The following ODAD2 variants were observed in gnomAD, a reference collection of about 807,000 sequenced individuals.
The protein encoded by ODAD2 is outer dynein arm docking complex subunit 2.
A neutral mutation model predicts 106.8 loss-of-function variants in ODAD2; 89 were observed. The observed-to-expected ratio is 0.83, with a 90% CI of 0.70 to 0.99. The LOEUF (loss-of-function observed/expected upper bound fraction) is 0.99, where lower values mean the gene tolerates loss of function less well. Among genes scored for constraint, ODAD2 ranks in the 50% least tolerant of loss-of-function variants. The probability of loss-of-function intolerance (pLI) is 0.00; values close to 1 mark genes in which losing one functional copy is unlikely to be tolerated. For missense variants in ODAD2, 1,168 were observed against 1,238.5 expected (o/e 0.94, Z 0.85); for synonymous variants, 404 against 436.2 (o/e 0.93, Z 0.92).
chr10:27,927,471 C>A (rs1845332825), intron 16 of ODAD2, among the ~76,000 whole-genome samples: 1 of 152,108 alleles, frequency 6.6e-6, no homozygotes, highest in Non-Finnish European at 1.5e-5. Context: ...CAATAATAGC[C>A]ATGCCTGAAA....
At chr10:27,985,406 G>A (rs574364473) in intron 3 of ODAD2, among the ~76,000 whole-genome samples, 195 bp from the exon 4 acceptor site, 1 of 152,204 alleles carries the variant, frequency 6.6e-6, no homozygotes, top group East Asian at 1.9e-4. Flanking sequence ...TCTACTTCAC[G>A]AGATGCTCTA....
intron 8 of ODAD2, 73 bp downstream of exon 8, chr10:27,971,035 A>G (rs1848822430): frequency 1.5e-6 from 1 of 684,240 alleles, no homozygotes; most frequent in East Asian, 3.0e-5. Flanking sequence ...AAAATAAAAT[A>G]AAGTTCTGTG....
Position 27,862,571 on chromosome 10 carries a change from T to G in ODAD2, c.2662A>C (p.Asn888His), listed in dbSNP as rs1256307321. 1.2e-6 allele frequency: 2 copies of G among 1,611,802 alleles called. No homozygotes were observed. The highest frequency in any genetic ancestry group is 1.3e-5 in the African/African-American group (1 of 74,836). The stretch of plus-strand genomic sequence containing the variant: ...TCTTTGTTATCTGATTTCAGTAAAT[T>G]GACAATAAGTTCCAAACCACCAACA... ...SFVGGLELIV[N>H]LLKSDNKEVL... is the part of the protein sequence containing the mutation. The change falls in exon 18 of 20, where the codon AAT becomes CAT. Residue 888 changes from asparagine to histidine, a missense_variant. By Grantham distance (68) the Asn-to-His change is moderately conservative. Transcript: ENST00000305242.
chr10:27,984,315 G>A (rs1364646982), intron 4 of ODAD2, 25 bp from the exon 5 acceptor site: 1 of 1,457,950 alleles, frequency 6.9e-7, no homozygotes, highest in Non-Finnish European at 9.6e-7. Context: ...TAAAATGTCA[G>A]CTTAAATACT....
intron 4 of ODAD2, 101 bp downstream of exon 4, chr10:27,984,918 T>G: frequency 2.0e-6 from 1 of 507,302 alleles, no homozygotes; most frequent in Non-Finnish European, 3.3e-6. Context: ...TTTATTTAAC[T>G]ATCTATTTTG....
At chr10:27,887,155 T>C (rs1351022599) in intron 17 of ODAD2, among the ~76,000 whole-genome samples, 1 of 151,906 alleles carries the variant, frequency 6.6e-6, no homozygotes, top group Non-Finnish European at 1.5e-5. Context: ...AGGTTGAAAG[T>C]CAAACGTTGA....
intron 19 of ODAD2, among the ~76,000 whole-genome samples, chr10:27,854,570 A>G (rs1379840252): frequency 6.6e-6 from 1 of 152,202 alleles, no homozygotes; most frequent in Non-Finnish European, 1.5e-5. Flanking sequence ...ACTCTGGCCA[A>G]CATGGCAAAA....
chr10:27,940,733 C>A lies in ODAD2; in HGVS notation c.1816G>T (p.Glu606Ter), dbSNP rs781149711. The change falls in exon 13 of 20, where the codon GAA (glutamate) becomes TAA (stop). Residue 606 changes from glutamate (E) to a stop codon, truncating the protein, a stop_gained. Coordinates refer to ENST00000305242, the MANE Select transcript of ODAD2 (RefSeq NM_018076.5). LOFTEE classifies it high-confidence loss of function. ...GCCAGTGCCCCACAGCGAGCCACTT[C>A]CACGTCTCTGGCCTCATACAGACTC... ...QSSLYEARDVEVARCGALALW... is the reference protein window; with the variant it reads ...QSSLYEARDV 6.2e-7 allele frequency: 1 copy of A among 1,614,164 alleles called. No homozygotes were observed.
At chr10:27,937,812 A>G (rs1846099601) in intron 14 of ODAD2, among the ~76,000 whole-genome samples, 1 of 152,182 alleles carries the variant, frequency 6.6e-6, no homozygotes, top group Admixed American at 6.5e-5. Flanking sequence ...GGCACCTTCT[A>G]AAAATTAATC....
chr10:27,818,653 A>G (rs1836340744), intron 19 of ODAD2, among the ~76,000 whole-genome samples: 1 of 152,224 alleles, frequency 6.6e-6, no homozygotes, highest in South Asian at 2.1e-4. Flanking sequence ...TTTGTTGTTT[A>G]GGTAATAGGA....
At chr10:27,944,774 G>T in intron 11 of ODAD2, 42 bp downstream of exon 11, 1 of 1,612,596 alleles carries the variant, frequency 6.2e-7, no homozygotes, top group Non-Finnish European at 8.5e-7. Context: ...GCCCAGGAAG[G>T]TGGGAACAAG....
rs776147159 is a variant in ODAD2 at position 27,944,239 on chromosome 10, C to T, written c.1726G>A (p.Gly576Arg). The T allele has an allele frequency of 1.9e-5, 31 of 1,612,556 alleles. No homozygotes were observed. The highest frequency in any genetic ancestry group is 2.7e-5 in the African/African-American group (2 of 74,870). ...KRARRVVRQH[G>R]GITKLVALLD... Reference sequence around the variant, plus strand: ...CTACTCACCAGTTTGGTGATACCCCCGTGCTGCCTCACCACCCGCCGTGCT... The same window carrying T: ...CTACTCACCAGTTTGGTGATACCCCTGTGCTGCCTCACCACCCGCCGTGCT... The change falls in exon 12 of 20, where the codon GGG becomes AGG. Residue 576 changes from glycine to arginine, a missense_variant. Physicochemically the swap from Gly to Arg is moderately radical, Grantham distance 125. Transcript: ENST00000305242.
chr10:27,816,706 ATGACCATGGGAATG>A (rs1836161068), intron 19 of ODAD2, among the ~76,000 whole-genome samples: 1 of 152,182 alleles, frequency 6.6e-6, no homozygotes, highest in Non-Finnish European at 1.5e-5. Context: ...GATCCATGGT[ATGACCATGGGAATG>A]TAGGTCAGTA....
chr10:27,864,756 T>C (rs576205095), intron 17 of ODAD2, among the ~76,000 whole-genome samples: 94 of 152,158 alleles, frequency 6.2e-4, no homozygotes, highest in Non-Finnish European at 9.9e-4. Flanking sequence ...GTGAGTGTAA[T>C]GTCCACCAAT....
chr10:27,991,744 A>G (rs1453950907), intron 2 of ODAD2, among the ~76,000 whole-genome samples: 1 of 152,200 alleles, frequency 6.6e-6, no homozygotes, highest in African/African-American at 2.4e-5. Flanking sequence ...ATCCAAGGAC[A>G]TTCCTATTTG....
chr10:27,882,183 AAG>A (rs1336499548), intron 17 of ODAD2, among the ~76,000 whole-genome samples: 3 of 146,802 alleles, frequency 2.0e-5, no homozygotes, highest in African/African-American at 7.5e-5. Context: ...AAAAGAAAGA[AAG>A]AAAGAAAGAA....
intron 17 of ODAD2, among the ~76,000 whole-genome samples, chr10:27,897,196 C>G (rs1247806465): frequency 6.6e-6 from 1 of 152,054 alleles, no homozygotes; most frequent in African/African-American, 2.4e-5. Flanking sequence ...TTCACTCTGT[C>G]ATTGGTGGTC....
intron 17 of ODAD2, among the ~76,000 whole-genome samples, chr10:27,865,809 C>T (rs560854584): frequency 6.6e-6 from 1 of 152,206 alleles, no homozygotes; most frequent in East Asian, 1.9e-4. Flanking sequence ...AGGCAGGACA[C>T]GAGTCAGGTT....
At chr10:27,819,835 A>G (rs950950248) in intron 19 of ODAD2, among the ~76,000 whole-genome samples, 5 of 7,860 alleles carry the variant, frequency 6.4e-4, no homozygotes, top group African/African-American at 1.7e-3. Context: ...TATCTCTTTA[A>G]AAAAAAAAAA....
Sources: gnomAD v4.1 joint callset for allele counts (sites outside exome capture counted in the v4.1 genomes callset) on GRCh38, gnomAD v4.1.1 for gene constraint, MANE v1.5 for transcripts, NCBI Gene and HGNC (gene_info 2026-07-23, HGNC 2026-07-21) for gene names.